Variants in BCLAF1 observed in about 807,000 individuals in gnomAD.
BCLAF1 encodes the protein bcl-2-associated transcription factor 1.
BCLAF1 carries 10 observed loss-of-function variants against 99.5 expected under a neutral mutation model. The ratio of observed to expected loss-of-function variants is 0.10; its 90% CI spans 0.06 to 0.17. The LOEUF is 0.17. Among genes scored for constraint, BCLAF1 ranks in the 10% least tolerant of loss-of-function variants. The pLI is 1.00. For synonymous variants in BCLAF1, 255 were observed against 370.9 expected, an observed-to-expected ratio of 0.69 and a Z score of 3.59; for missense variants, 636 against 1,105.8, an observed-to-expected ratio of 0.58 and a Z score of 6.02.
In BCLAF1 at chr6:136,284,832, A is replaced by AG. The variant is rs557146958; in HGVS notation, c.-114-2146dup. 5.2e-4 allele frequency among the ~76,000 whole-genome samples: 78 copies of AG among 151,308 alleles called. 1 individual carries two copies. The South Asian group carries it at 0.012, about 24-fold the overall frequency. Reference sequence around the variant, plus strand: ...CAAATAGTGGCAAGTGCCACATTGGAGGGGGGGGAAAAGTACAAGTTAACA... The same window carrying AG: ...CAAATAGTGGCAAGTGCCACATTGGAGGGGGGGGGAAAAGTACAAGTTAACA... On this transcript the variant is annotated intron_variant, in intron 1 of 12. Coordinates refer to ENST00000531224, the MANE Select transcript of BCLAF1 (RefSeq NM_014739.3).
chr6:136,274,235 A>C (rs1393938421), intron 6 of BCLAF1: 1 of 1,098,462 alleles, frequency 9.1e-7, no homozygotes, highest in Non-Finnish European at 1.2e-6. Context: ...TTTCAGCTCT[A>C]TATAAAGTAA....
Position 136,263,515 on chromosome 6 carries a change from T to A in BCLAF1, c.2545-2038A>T, listed in dbSNP as rs1781305540. On this transcript the variant is annotated intron_variant, in intron 11 of 12. Transcript: ENST00000531224. ...TTTTATATCGAAGATTTCAGTCTCATTATTAAAATGTTTAATTTTTAATTA... is the reference window on the plus strand; with the variant it reads ...TTTTATATCGAAGATTTCAGTCTCAATATTAAAATGTTTAATTTTTAATTA... Among the ~76,000 whole-genome samples the A allele has an allele frequency of 2.0e-5, 3 of 152,214 alleles. No homozygotes were observed. In the South Asian group the frequency reaches 6.2e-4, roughly 31 times the overall value.
chr6:136,269,203 G>T, intron 9 of BCLAF1: 1 of 1,418,118 alleles, frequency 7.1e-7, no homozygotes. Context: ...CTGGATAATA[G>T]GACACATTAA....
At chr6:136,276,907 A>C (rs1291427349) in intron 4 of BCLAF1, among the ~76,000 whole-genome samples, 1 of 152,214 alleles carries the variant, frequency 6.6e-6, no homozygotes, top group African/African-American at 2.4e-5. Flanking sequence ...ATTATCTATT[A>C]ATATAAACAA....
rs149575969 is a variant in BCLAF1 at position 136,272,038 on chromosome 6, C to T, written c.2000G>A (p.Arg667His). The change falls in exon 8 of 13, where the codon CGT (arginine) becomes CAT (histidine). Residue 667 changes from arginine to histidine, a missense_variant. Coordinates refer to ENST00000531224, the MANE Select transcript of BCLAF1 (RefSeq NM_014739.3). ...ISPSTLRKHT[R>H]LAGEERVFKE... ...AAAAACTCTCTCTTCCCCTGCTAAA[C>T]GGGTATGCTTCCTCAGGGTACTTGG... 9.3e-6 allele frequency: 15 copies of T among 1,605,718 alleles called. No homozygotes were observed. Among genetic ancestry groups the T allele is most frequent in the East Asian group, 4.5e-5 (2 of 44,526 alleles).
Position 136,261,326 on chromosome 6 carries a change from T to A in BCLAF1, c.2696A>T (p.Glu899Val). ...HDKYQGDGIVEDEEETMENNE... is the reference protein window; with the variant it reads ...HDKYQGDGIVVDEEETMENNE... ...ATTTTCCATGGTCTCTTCTTCATCT[T>A]CAACAATCCCATCCCCTTGGTATTT... Residue 899 changes from glutamate (E) to valine (V), a missense_variant, in exon 12 of 13, where the codon GAA (glutamate) becomes GTA (valine). By Grantham distance (121) the Glu-to-Val change is moderately radical. Coordinates refer to ENST00000531224, the MANE Select transcript of BCLAF1 (RefSeq NM_014739.3). 6.2e-7 allele frequency: 1 copy of A among 1,613,984 alleles called. No individual in the cohort carries two copies. The highest frequency in any genetic ancestry group is 8.5e-7 in the Non-Finnish European group (1 of 1,179,880).
At chr6:136,284,834 G>C (rs148690733) in intron 1 of BCLAF1, among the ~76,000 whole-genome samples, 442 of 149,208 alleles carry the variant, frequency 3.0e-3, no homozygotes, top group African/African-American at 9.4e-3. Context: ...CACATTGGAG[G>C]GGGGGGAAAA....
At chr6:136,285,265 T>C (rs1237285292) in intron 1 of BCLAF1, among the ~76,000 whole-genome samples, 1 of 152,224 alleles carries the variant, frequency 6.6e-6, no homozygotes, top group East Asian at 1.9e-4. Context: ...AGATGTGGTT[T>C]GTCAAAATGA....
chr6:136,261,583 G>T, intron 11 of BCLAF1, 106 bp from the exon 12 acceptor site: 2 of 1,150,576 alleles, frequency 1.7e-6, no homozygotes, highest in Non-Finnish European at 2.5e-6. Context: ...GGGTATATGA[G>T]ATTGGTAATA....
chr6:136,265,277 A>C (rs1383705381), intron 11 of BCLAF1, among the ~76,000 whole-genome samples: 1 of 152,116 alleles, frequency 6.6e-6, no homozygotes, highest in African/African-American at 2.4e-5. Context: ...GTTTCTCTAA[A>C]TCTGAATTAC....
chr6:136,284,723 G>A (rs984904303), intron 1 of BCLAF1, among the ~76,000 whole-genome samples: 7 of 152,142 alleles, frequency 4.6e-5, no homozygotes, highest in African/African-American at 1.7e-4. Context: ...CTAACGTTGG[G>A]AATACAGCAT....
In BCLAF1 at chr6:136,276,080, T is replaced by A. The variant is rs760036255; in HGVS notation, c.1445A>T (p.Asp482Val). The change falls in exon 5 of 13, where the codon GAC becomes GTC. Residue 482 changes from aspartate to valine, a missense_variant. By Grantham distance (152) the Asp-to-Val change is radical. Transcript: ENST00000531224. The stretch of plus-strand genomic sequence containing the variant: ...TACTGTTATTCTTTCAGAATTTTTG[T>A]CTTCTTCTTTGTGCTTATCTTTTGT... The part of the protein sequence containing the change: ...STTKDKHKEE[D>V]KNSERITVKK... 6.2e-7 allele frequency: 1 copy of A among 1,608,092 alleles called. No individual in the cohort carries two copies. Among genetic ancestry groups the A allele is most frequent in the Non-Finnish European group, 8.5e-7 (1 of 1,178,634 alleles).
At chr6:136,285,397 A>AC (rs1784997529) in intron 1 of BCLAF1, among the ~76,000 whole-genome samples, 2 of 152,156 alleles carry the variant, frequency 1.3e-5, no homozygotes, top group African/African-American at 2.4e-5. Context: ...GGGGGAGAAA[A>AC]CAAAAGATGT....
At chr6:136,286,277 C>G (rs1785118027) in intron 1 of BCLAF1, among the ~76,000 whole-genome samples, 1 of 152,210 alleles carries the variant, frequency 6.6e-6, no homozygotes, top group Non-Finnish European at 1.5e-5. Context: ...TCCATCTTTT[C>G]AAATCCTAAA....
At chr6:136,261,708 C>A (rs1432819386) in intron 11 of BCLAF1, among the ~76,000 whole-genome samples, 1 of 152,092 alleles carries the variant, frequency 6.6e-6, no homozygotes, top group African/African-American at 2.4e-5. Context: ...CTGAAGGTTA[C>A]CCAGACAATC....
intron 7 of BCLAF1, among the ~76,000 whole-genome samples, chr6:136,272,857 G>T (rs2128476542): frequency 6.6e-6 from 1 of 151,886 alleles, no homozygotes; most frequent in East Asian, 1.9e-4. Context: ...ATTCCATACT[G>T]CAAAGTAATA....
At chr6:136,275,492 A>G (rs760977811) in intron 6 of BCLAF1, 40 bp downstream of exon 6, 2 of 1,444,722 alleles carry the variant, frequency 1.4e-6, no homozygotes, top group Non-Finnish European at 9.2e-7. Flanking sequence ...TTTGCATGCA[A>G]GAGAAATTTA....
chr6:136,286,169 T>G (rs572696129), intron 1 of BCLAF1, among the ~76,000 whole-genome samples: 13 of 152,300 alleles, frequency 8.5e-5, no homozygotes, highest in African/African-American at 3.1e-4. Flanking sequence ...AAATGAATTC[T>G]TTAAGATTAC....
In BCLAF1 at chr6:136,257,546, A is replaced by G. The variant is rs947749477; in HGVS notation, c.*3564T>C. 11 of 152,202 alleles carry G rather than the reference A, an allele frequency of 7.2e-5. No individual in the cohort carries two copies. Among genetic ancestry groups the G allele is most frequent in the African/African-American group, 1.2e-4 (5 of 41,454 alleles). 9.4% of individuals were successfully genotyped at this position (152,202 alleles called of 1,614,324 possible). A position where few individuals can be genotyped will look rare whatever the true frequency, so the allele number is the denominator to read the frequency against. On this transcript the variant is annotated 3_prime_UTR_variant, in exon 13 of 13. Coordinates refer to ENST00000531224, the MANE Select transcript of BCLAF1 (RefSeq NM_014739.3). ...ATATTCCTGAATCCTAAGAAATGTAAAACTTGTTCATTTAAACTTCATTAG... is the reference window on the plus strand; with the variant it reads ...ATATTCCTGAATCCTAAGAAATGTAGAACTTGTTCATTTAAACTTCATTAG...
Sources: gnomAD v4.1 joint callset for allele counts (sites outside exome capture counted in the v4.1 genomes callset) on GRCh38, gnomAD v4.1.1 for gene constraint, MANE v1.5 for transcripts, NCBI Gene and HGNC (gene_info 2026-07-23, HGNC 2026-07-21) for gene names.